COL6A5: variants seen among roughly 807,000 people sequenced by gnomAD.
COL6A5 encodes collagen type VI alpha 5 chain.
In COL6A5, 48 loss-of-function variants were observed where a neutral mutation model predicts 65.6. The ratio of observed to expected loss-of-function variants is 0.73; its 90% CI spans 0.58 to 0.93. The LOEUF (loss-of-function observed/expected upper bound fraction) is 0.93, where lower values mean the gene tolerates loss of function less well. Among genes scored for constraint, COL6A5 ranks in the 40% least tolerant of loss-of-function variants. COL6A5 has a pLI of 0.00. For synonymous variants in COL6A5, 291 were observed against 322.8 expected (o/e 0.90, Z 1.05); for missense variants, 914 against 928.3 (o/e 0.98, Z 0.20).
upstream of COL6A5, among the ~76,000 whole-genome samples, chr3:130,428,854 C>A (rs532867618): frequency 1.5e-4 from 23 of 152,238 alleles, no homozygotes; most frequent in African/African-American, 4.3e-4. Context: ...AAGGCTGGTG[C>A]GTTGCCAGTA....
chr3:130,408,159 G>A (rs567169139), intron 17 of COL6A5, among the ~76,000 whole-genome samples: 9 of 152,156 alleles, frequency 5.9e-5, no homozygotes, highest in East Asian at 5.8e-4. Context: ...CTGCGGGGCC[G>A]GACAGAACAG....
At chr3:130,403,708 TACACACACAC>T (rs71158192) in intron 13 of COL6A5, 46 bp downstream of exon 13, 10 of 1,215,632 alleles carry the variant, frequency 8.2e-6, no homozygotes, top group Non-Finnish European at 1.1e-5. Context: ...ACACACACTG[TACACACACAC>T]ACACACACAC....
At chr3:130,401,212 C>T in intron 11 of COL6A5, 39 bp downstream of exon 11, 2 of 1,497,894 alleles carry the variant, frequency 1.3e-6, no homozygotes, top group East Asian at 5.0e-5. Context: ...TTCAAAATGC[C>T]ATGGGAACTA....
chr3:130,414,110 T>G, exon 22 of COL6A5: 7 of 1,550,796 alleles, frequency 4.5e-6, no homozygotes, highest in Non-Finnish European at 6.1e-6. Context: ...CATTGGGAGC[T>G]GAAGGATTAC....
At chr3:130,432,984 G>A (rs912760892) in intron 1 of COL6A5, among the ~76,000 whole-genome samples, 1 of 152,042 alleles carries the variant, frequency 6.6e-6, no homozygotes, top group Non-Finnish European at 1.5e-5. Context: ...CTGGAGCTGT[G>A]TAAAGCCATC....
chr3:130,445,376 T>A (rs1214158519), intron 4 of COL6A5, among the ~76,000 whole-genome samples: 4 of 152,198 alleles, frequency 2.6e-5, no homozygotes, highest in Non-Finnish European at 4.4e-5. Flanking sequence ...TTAATACAAG[T>A]GTTTAAATGA....
exon 7 of COL6A5, chr3:130,391,517 A>G (rs1936400956): frequency 2.6e-6 from 4 of 1,551,744 alleles, no homozygotes; most frequent in Non-Finnish European, 2.6e-6. Context: ...TGTGAAGCAG[A>G]TGCTGATTGT....
intron 1 of COL6A5, among the ~76,000 whole-genome samples, chr3:130,432,270 T>G (rs1274197854): frequency 1.3e-5 from 2 of 152,026 alleles, no homozygotes; most frequent in Non-Finnish European, 2.9e-5. Context: ...ATGAGGAAAC[T>G]GGGGCTGGGC....
At chr3:130,376,185 A>C (rs997762709) in intron 2 of COL6A5, 52 bp from the exon 3 acceptor site, 2 of 1,514,026 alleles carry the variant, frequency 1.3e-6, no homozygotes, top group Non-Finnish European at 1.8e-6. Flanking sequence ...GTGGTCTAAA[A>C]TACAAAGGTT....
rs61750883 is a variant in COL6A5 at position 130,431,860 on chromosome 3, A to G, written c.400A>G (p.Ile134Val). Reference sequence around the variant, plus strand: ...TGGTCAAACAGCCAGTAGGTCATCCATCATCACGGCCACCATGGAGTTTAG... The same window carrying G: ...TGGTCAAACAGCCAGTAGGTCATCCGTCATCACGGCCACCATGGAGTTTAG... The change falls in exon 1 of 8, where the codon ATC becomes GTC. Residue 134 changes from isoleucine (I) to valine (V), a missense_variant. Transcript: ENST00000512836. 4,046 of 1,551,618 alleles carry G rather than the reference A, an allele frequency of 2.6e-3. 106 individuals are homozygous for G. The African/African-American group carries it at 0.05, about 19-fold the overall frequency.
At chr3:130,391,707 A>C in exon 7 of COL6A5, 1 of 1,551,418 alleles carries the variant, frequency 6.4e-7, no homozygotes, top group East Asian at 2.4e-5. Flanking sequence ...AAACTGAAAG[A>C]TGTTTTCACA....
intron 5 of COL6A5, among the ~76,000 whole-genome samples, chr3:130,458,897 T>C (rs939726107): frequency 6.6e-5 from 10 of 152,138 alleles, no homozygotes; most frequent in African/African-American, 2.4e-4. Context: ...ATGCACTTTG[T>C]TCTTTGAAAT....
At position 130,462,977 on chromosome 3, in the gene COL6A5, G is replaced by A. The variant is rs572020595; in HGVS notation, c.1545-5818G>A. Among the ~76,000 whole-genome samples, 3 of 152,088 alleles carry A rather than the reference G, an allele frequency of 2.0e-5. 1 individual carries two copies. The South Asian group carries it at 6.2e-4, about 32-fold the overall frequency. On this transcript the variant is annotated intron_variant, in intron 5 of 7. Coordinates refer to ENST00000512836, the Ensembl canonical transcript of COL6A5. ...ACCACTTATCAGCCATCCTTTCTTA[G>A]CCAACTCATTCACCCTTGCCAAGCA... is the stretch of plus-strand genomic sequence containing the variant.
At position 130,419,680 on chromosome 3, in the gene COL6A5, A is replaced by G. The variant is rs1261430788; in HGVS notation, c.4950+749A>G. On this transcript the variant is annotated intron_variant and NMD_transcript_variant, in intron 25 of 41. Transcript: ENST00000312481. ...AACCAGGCATGGAAAGTTAAATACA[A>G]CAAGATCTCACTTATAGGTGAAATG... Among the ~76,000 whole-genome samples, 6 of 152,296 alleles carry G rather than the reference A, an allele frequency of 3.9e-5. No individual in the cohort carries two copies. The East Asian group carries it at 9.7e-4, about 25-fold the overall frequency.
At chr3:130,390,429 A>G (rs563034314) in intron 6 of COL6A5, among the ~76,000 whole-genome samples, 124 of 152,302 alleles carry the variant, frequency 8.1e-4, no homozygotes, top group African/African-American at 2.7e-3. Flanking sequence ...GCAGGTGGAA[A>G]GTGGAGAAAG....
chr3:130,471,596 C>G, intron 7 of COL6A5, 86 bp from the exon 40 acceptor site: 20 of 1,242,358 alleles, frequency 1.6e-5, no homozygotes, highest in Non-Finnish European at 2.1e-5. Context: ...AAATGGATTC[C>G]TCTTATATTA....
At chr3:130,436,468 A>G (rs1709037622) in intron 1 of COL6A5, among the ~76,000 whole-genome samples, 2 of 151,958 alleles carry the variant, frequency 1.3e-5, no homozygotes, top group Admixed American at 6.6e-5. Flanking sequence ...AACATTGTCT[A>G]TATTTGCTGT....
chr3:130,471,008 G>C, intron 7 of COL6A5, 41 bp downstream of exon 39: 1 of 1,383,350 alleles, frequency 7.2e-7, no homozygotes, highest in South Asian at 1.2e-5. Flanking sequence ...ACCACAACTG[G>C]AAACAGTTCT....
intron 12 of COL6A5, among the ~76,000 whole-genome samples, chr3:130,402,380 A>G (rs1015530113): frequency 2.6e-5 from 4 of 152,262 alleles, no homozygotes; most frequent in Admixed American, 6.5e-5. Context: ...CACAAATTAT[A>G]AAATATTATA....
Sources: allele counts gnomAD v4.1 joint callset (sites outside exome capture counted in the v4.1 genomes callset), GRCh38; gene constraint gnomAD v4.1.1; transcripts MANE v1.5; gene names NCBI Gene and HGNC (gene_info 2026-07-23, HGNC 2026-07-21).